ADAMTS6: variants seen among roughly 807,000 people sequenced by gnomAD.
ADAMTS6 encodes A disintegrin and metalloproteinase with thrombospondin motifs 6.
A neutral mutation model predicts 144.3 loss-of-function variants in ADAMTS6; 23 were observed. The ratio of observed to expected loss-of-function variants is 0.16; its 90% CI spans 0.11 to 0.23. ADAMTS6 has a LOEUF of 0.23. Ranked by LOEUF, ADAMTS6 falls within the 10% of genes least tolerant of loss-of-function variation. ADAMTS6 has a pLI of 1.00. For missense variants in ADAMTS6, 999 were observed against 1,379.6 expected, an observed-to-expected ratio of 0.72 and a Z score of 4.37; for synonymous variants, 444 against 457.5, an observed-to-expected ratio of 0.97 and a Z score of 0.38.
chr5:65,385,502 A>T (rs901002337), intron 7 of ADAMTS6, among the ~76,000 whole-genome samples: 3 of 152,198 alleles, frequency 2.0e-5, no homozygotes, highest in Non-Finnish European at 4.4e-5. Flanking sequence ...AGATTATATT[A>T]GTATGAAATC....
intron 7 of ADAMTS6, among the ~76,000 whole-genome samples, chr5:65,441,740 AGTG>A (rs972373443): frequency 7.9e-5 from 12 of 151,984 alleles, no homozygotes. Flanking sequence ...ATCTGACCAC[AGTG>A]GAACTAAATT....
intron 7 of ADAMTS6, among the ~76,000 whole-genome samples, chr5:65,410,267 G>A (rs1028038608): frequency 2.0e-5 from 3 of 152,240 alleles, no homozygotes; most frequent in South Asian, 2.1e-4. Flanking sequence ...ATTTCTTCAT[G>A]TATAAATTAT....
chr5:65,215,964 A>C (rs921618054), intron 18 of ADAMTS6, among the ~76,000 whole-genome samples: 1 of 152,220 alleles, frequency 6.6e-6, no homozygotes, highest in Non-Finnish European at 1.5e-5. Context: ...GAAGTATCTT[A>C]AATTAGTAAA....
intron 7 of ADAMTS6, among the ~76,000 whole-genome samples, chr5:65,347,911 C>T (rs1160741461): frequency 1.3e-5 from 2 of 152,054 alleles, no homozygotes; most frequent in East Asian, 1.9e-4. Context: ...GGCCAAGAAA[C>T]ATATGAAAGA....
At chr5:65,203,827 G>A (rs575784434) in intron 20 of ADAMTS6, among the ~76,000 whole-genome samples, 1 of 152,240 alleles carries the variant, frequency 6.6e-6, no homozygotes, top group East Asian at 1.9e-4. Flanking sequence ...GATGAATAAT[G>A]TTATGACTGT....
intron 20 of ADAMTS6, among the ~76,000 whole-genome samples, chr5:65,204,373 T>C (rs1197403465): frequency 6.6e-6 from 1 of 152,166 alleles, no homozygotes; most frequent in Admixed American, 6.5e-5. Flanking sequence ...CATGAGTTTA[T>C]ATAGAAGAGA....
At chr5:65,371,403 A>C (rs1403368024) in intron 7 of ADAMTS6, among the ~76,000 whole-genome samples, 1 of 152,052 alleles carries the variant, frequency 6.6e-6, no homozygotes, top group African/African-American at 2.4e-5. Flanking sequence ...TAACTAGAAT[A>C]ACCAATACAG....
intron 7 of ADAMTS6, among the ~76,000 whole-genome samples, chr5:65,428,404 A>C (rs1756734370): frequency 6.6e-6 from 1 of 152,158 alleles, no homozygotes; most frequent in Non-Finnish European, 1.5e-5. Flanking sequence ...TCACTAAGAA[A>C]GTGTTACCAT....
Position 65,473,717 on chromosome 5 carries a change from T to C in ADAMTS6, c.-44A>G. On this transcript the variant is annotated 5_prime_UTR_variant, in exon 2 of 25. It removes the in-frame stop codon of an upstream open reading frame in the 5' UTR. Transcript: ENST00000381055. ...ATTTTTTTGAGGGCTACCTATGTGC[T>C]AAAGAGTCAATACCATACCAAAATC... The C allele has an allele frequency of 6.9e-7, 1 of 1,446,308 alleles. No individual in the cohort carries two copies. The highest frequency in any genetic ancestry group is 9.7e-7 in the Non-Finnish European group (1 of 1,027,872). 89.6% of individuals were successfully genotyped at this position (1,446,308 alleles called of 1,614,324 possible). A position where few individuals can be genotyped will look rare whatever the true frequency, so the allele number is the denominator to read the frequency against.
chr5:65,418,568 G>C (rs1561524169), intron 7 of ADAMTS6, among the ~76,000 whole-genome samples: 1 of 152,008 alleles, frequency 6.6e-6, no homozygotes, highest in Non-Finnish European at 1.5e-5. Flanking sequence ...ATAATTGTCT[G>C]GGTTTTTTTT....
intron 7 of ADAMTS6, among the ~76,000 whole-genome samples, chr5:65,433,985 G>A (rs1406843925): frequency 6.6e-6 from 1 of 152,102 alleles, no homozygotes; most frequent in East Asian, 1.9e-4. Context: ...TTCCACAATA[G>A]CTGAAAAGGA....
rs777684235 is a variant in ADAMTS6, at chr5:65,370,517, T to C, written c.1074-36432A>G. On this transcript the variant is annotated intron_variant, in intron 7 of 24. Coordinates refer to ENST00000381055, the MANE Select transcript of ADAMTS6 (RefSeq NM_197941.4). ...CCTAGTCAAAGAAAGGGGTGACAGA[T>C]GGCACCTGGAAAGTCGGGTCACTCC... 1.4e-4 allele frequency among the ~76,000 whole-genome samples: 22 copies of C among 152,222 alleles called. No homozygotes were observed. The East Asian group carries it at 3.1e-3, about 21-fold the overall frequency.
chr5:65,439,898 G>A lies in ADAMTS6; in HGVS notation c.1073+11577C>T, dbSNP rs140106853. Among the ~76,000 whole-genome samples the A allele has an allele frequency of 4.6e-5, 7 of 152,234 alleles. No homozygotes were observed. In the East Asian group the frequency reaches 1.2e-3, roughly 25 times the overall value. The stretch of plus-strand genomic sequence containing the variant: ...CGGTTCACTGCAACCTCCACCTCCC[G>A]TGTTCAAGCAATTCTTGTGCTTCAG... On this transcript the variant is annotated intron_variant, in intron 7 of 24. Transcript: ENST00000381055.
intron 7 of ADAMTS6, among the ~76,000 whole-genome samples, chr5:65,390,954 G>GTTT (rs34797529): frequency 7.1e-6 from 1 of 141,260 alleles, no homozygotes; most frequent in African/African-American, 2.6e-5. Context: ...TTTTTTGAGG[G>GTTT]TTTTTTTTTT....
chr5:65,442,435 T>C (rs1757934444), intron 7 of ADAMTS6, among the ~76,000 whole-genome samples: 2 of 152,094 alleles, frequency 1.3e-5, no homozygotes, highest in African/African-American at 4.8e-5. Context: ...AAACTCCTAG[T>C]GCAGATGGCT....
chr5:65,209,502 T>C (rs1449049063), intron 20 of ADAMTS6, among the ~76,000 whole-genome samples: 1 of 152,224 alleles, frequency 6.6e-6, no homozygotes. Context: ...GTTTCATTAC[T>C]GACTCAGAGA....
chr5:65,423,784 A>T (rs1756272359), intron 7 of ADAMTS6, among the ~76,000 whole-genome samples: 1 of 152,174 alleles, frequency 6.6e-6, no homozygotes, highest in Admixed American at 6.5e-5. Context: ...CAGAATGTAA[A>T]CTATCAACAC....
At chr5:65,439,741 T>A (rs1757724234) in intron 7 of ADAMTS6, among the ~76,000 whole-genome samples, 1 of 152,202 alleles carries the variant, frequency 6.6e-6, no homozygotes, top group South Asian at 2.1e-4. Context: ...ATAATAGTAC[T>A]GTATCAACAC....
chr5:65,177,163 C>T (rs957406555), intron 22 of ADAMTS6, among the ~76,000 whole-genome samples: 3 of 152,104 alleles, frequency 2.0e-5, no homozygotes, highest in Non-Finnish European at 2.9e-5. Context: ...GTTCGTAGAG[C>T]GGAAAAGGGA....
Sources: gnomAD v4.1 joint callset for allele counts (sites outside exome capture counted in the v4.1 genomes callset) on GRCh38, gnomAD v4.1.1 for gene constraint, MANE v1.5 for transcripts, NCBI Gene and HGNC (gene_info 2026-07-23, HGNC 2026-07-21) for gene names.